Variants in BMP1 observed in about 807,000 individuals in gnomAD.
BMP1 encodes the protein mammalian tolloid protein.
A neutral mutation model predicts 116.8 loss-of-function variants in BMP1; 63 were observed. The ratio of observed to expected loss-of-function variants is 0.54; its 90% CI spans 0.44 to 0.67. The LOEUF is 0.67. Ranked by LOEUF, BMP1 falls within the 30% of genes least tolerant of loss-of-function variation. The pLI is 0.00. For synonymous variants in BMP1, 536 were observed against 533.4 expected, an observed-to-expected ratio of 1.00 and a Z score of -0.07; for missense variants, 1,183 against 1,358.9, an observed-to-expected ratio of 0.87 and a Z score of 2.04.
intron 3 of BMP1, 108 bp downstream of exon 3, chr8:22,176,421 A>G: frequency 6.5e-7 from 1 of 1,550,012 alleles, no homozygotes; most frequent in Non-Finnish European, 8.8e-7. Context: ...CCGAGTGCCC[A>G]CACATTCCTT....
chr8:22,179,595 A>C lies in BMP1; in HGVS notation c.837-110A>C. Reference sequence around the variant, plus strand: ...CACCCGGCCCTGACCCTGCTGAGGAATGTCTGAGCTCCAGCAGGGTCGTGA... The same window carrying C: ...CACCCGGCCCTGACCCTGCTGAGGACTGTCTGAGCTCCAGCAGGGTCGTGA... On this transcript the variant is annotated intron_variant, in intron 6 of 19. Coordinates refer to ENST00000306385, the MANE Select transcript of BMP1 (RefSeq NM_006129.5). This position sits in a 1 kb window ranked among gnomAD's most constrained non-coding sequence, Gnocchi z 4.6. 6.4e-7 allele frequency: 1 copy of C among 1,569,222 alleles called. No individual in the cohort carries two copies. The highest frequency in any genetic ancestry group is 8.7e-7 in the Non-Finnish European group (1 of 1,152,846).
intron 8 of BMP1, among the ~76,000 whole-genome samples, chr8:22,188,037 A>C (rs1828825399): frequency 6.6e-6 from 1 of 152,012 alleles, no homozygotes; most frequent in Non-Finnish European, 1.5e-5. Context: ...GAGGTGTCCT[A>C]TTACTTCTCC....
At chr8:22,203,489 G>A (rs1246895542) in intron 16 of BMP1, among the ~76,000 whole-genome samples, 1 of 152,050 alleles carries the variant, frequency 6.6e-6, no homozygotes, top group Non-Finnish European at 1.5e-5. Flanking sequence ...CCTGGAAGGC[G>A]GAGGTTGCAG....
chr8:22,197,321 A>G lies in BMP1; in HGVS notation c.2008A>G (p.Lys670Glu). 1 of 1,614,020 alleles carries G rather than the reference A, an allele frequency of 6.2e-7. No homozygotes were observed. Among genetic ancestry groups the G allele is most frequent in the Non-Finnish European group, 8.5e-7 (1 of 1,179,938 alleles). The change falls in exon 15 of 20, where the codon AAG (lysine) becomes GAG (glutamate). Residue 670 changes from lysine to glutamate, a missense_variant. Lys to Glu is a moderately conservative substitution (Grantham distance 56). Coordinates refer to ENST00000306385, the MANE Select transcript of BMP1 (RefSeq NM_006129.5). The part of the protein sequence containing the change: ...KLHGKFCGSE[K>E]PEVITSQYNN... ...GCATGGCAAGTTCTGTGGTTCTGAGAAGCCCGAGGTCATCACCTCCCAGTA... is the reference window on the plus strand; with the variant it reads ...GCATGGCAAGTTCTGTGGTTCTGAGGAGCCCGAGGTCATCACCTCCCAGTA...
intron 16 of BMP1, among the ~76,000 whole-genome samples, chr8:22,203,925 G>C (rs1829307817): frequency 1.3e-5 from 2 of 152,256 alleles, no homozygotes; most frequent in South Asian, 2.1e-4. Context: ...AGCCAGGACA[G>C]GGGTGAAGCT....
intron 1 of BMP1, among the ~76,000 whole-genome samples, chr8:22,166,425 C>T (rs1188650941): frequency 6.6e-6 from 1 of 152,218 alleles, no homozygotes; most frequent in Admixed American, 6.5e-5. Flanking sequence ...CCCATCACTC[C>T]TGCTGAGCCC....
In BMP1 at chr8:22,212,324, C is replaced by G. The variant is rs1829476820; in HGVS notation, c.*596C>G. 6.4e-6 allele frequency: 1 copy of G among 156,520 alleles called. No homozygotes were observed. The highest frequency in any genetic ancestry group is 1.9e-4 in the South Asian group (1 of 5,148). 9.7% of individuals were successfully genotyped at this position (156,520 alleles called of 1,614,324 possible). On this transcript the variant is annotated 3_prime_UTR_variant, in exon 20 of 20. Coordinates refer to ENST00000306385, the MANE Select transcript of BMP1 (RefSeq NM_006129.5). ...GCCAATAAACCGAAAGTGTTACAGC[C>G]AATATCCTGTGCCAGATGCTGTCTG... is the stretch of plus-strand genomic sequence containing the variant.
chr8:22,174,023 T>C (rs1301609959), intron 2 of BMP1, among the ~76,000 whole-genome samples: 4 of 152,224 alleles, frequency 2.6e-5, no homozygotes, highest in Non-Finnish European at 4.4e-5. Flanking sequence ...ACTCCTGTTT[T>C]ACAAGTACAG....
chr8:22,168,412 G>A (rs1315861926), intron 1 of BMP1, among the ~76,000 whole-genome samples: 1 of 152,194 alleles, frequency 6.6e-6, no homozygotes, highest in Non-Finnish European at 1.5e-5. Flanking sequence ...CTTGGAGGCA[G>A]GAATTGGGAC....
intron 8 of BMP1, among the ~76,000 whole-genome samples, chr8:22,191,794 A>G (rs1828938562): frequency 1.3e-5 from 2 of 152,196 alleles, no homozygotes; most frequent in South Asian, 4.1e-4. Flanking sequence ...TTGACTATGA[A>G]GAGAGCTGGA....
chr8:22,186,590 C>G (rs1828776897), intron 8 of BMP1, among the ~76,000 whole-genome samples: 1 of 152,118 alleles, frequency 6.6e-6, no homozygotes, highest in South Asian at 2.1e-4. Context: ...CCTCAGCCTC[C>G]CAAGTAGCTG....
Position 22,177,045 on chromosome 8 carries a change from C to T in BMP1, c.636C>T (p.Val212=), listed in dbSNP as rs753221583. ...GKNCDKFGIV[V]HELGHVVGFW... is the part of the protein sequence containing the mutation. ...ACTGTGACAAGTTCGGCATTGTGGT[C>T]CACGAGCTGGGCCACGTCGTCGGCT... The change falls in exon 5 of 20, where the codon GTC becomes GTT. Residue 212 remains valine (V), a synonymous_variant. Coordinates refer to ENST00000306385, the MANE Select transcript of BMP1 (RefSeq NM_006129.5). 4.3e-6 allele frequency: 7 copies of T among 1,612,960 alleles called. No homozygotes were observed. In the South Asian group the frequency reaches 6.6e-5, roughly 15 times the overall value.
chr8:22,178,900 G>A (rs549242958), intron 6 of BMP1, among the ~76,000 whole-genome samples: 3 of 152,068 alleles, frequency 2.0e-5, no homozygotes, highest in African/African-American at 4.8e-5. Context: ...GCTTCTACCC[G>A]ATCTGCTCTT....
Position 22,194,711 on chromosome 8 carries a change from C to A in BMP1, c.1444-13C>A. The A allele has an allele frequency of 2.5e-6, 4 of 1,595,990 alleles. No homozygotes were observed. The highest frequency in any genetic ancestry group is 2.6e-6 in the Non-Finnish European group (3 of 1,169,730). On this transcript the variant is annotated splice_polypyrimidine_tract_variant and intron_variant, in intron 11 of 19. Coordinates refer to ENST00000306385, the MANE Select transcript of BMP1 (RefSeq NM_006129.5). The surrounding 1 kb of genome is among the most constrained non-coding windows in gnomAD (Gnocchi z 4.5). ...GCCAGAGCCCCTTCCACTGATGAAG[C>A]CTCGACCCCTAGATTGAGCGCCACG...
chr8:22,178,787 CCCT>C, intron 6 of BMP1, among the ~76,000 whole-genome samples: 1 of 152,134 alleles, frequency 6.6e-6, no homozygotes, highest in South Asian at 2.1e-4. Flanking sequence ...AATGGCACCT[CCCT>C]CCTCCTCAAA....
At chr8:22,176,449 C>A (rs1209717129) in intron 3 of BMP1, 84 bp from the exon 4 acceptor site, 10 of 1,566,846 alleles carry the variant, frequency 6.4e-6, no homozygotes, top group Admixed American at 5.2e-5. Flanking sequence ...AGTCTGCCCT[C>A]AGAATGGCTG....
intron 5 of BMP1, chr8:22,177,524 G>A (rs562362551): frequency 1.9e-5 from 14 of 718,026 alleles, no homozygotes; most frequent in Middle Eastern, 2.4e-4. Flanking sequence ...TCATTTTCTC[G>A]ATGTCTCTGT....
At chr8:22,191,021 G>A (rs1828917414) in intron 8 of BMP1, among the ~76,000 whole-genome samples, 1 of 152,202 alleles carries the variant, frequency 6.6e-6, no homozygotes, top group Non-Finnish European at 1.5e-5. Context: ...CCCCGGAAGT[G>A]GAGGGAAGCC....
intron 5 of BMP1, chr8:22,177,494 G>A: frequency 1.4e-6 from 1 of 706,352 alleles, no homozygotes; most frequent in Non-Finnish European, 2.6e-6. Flanking sequence ...TGCCTGGTCT[G>A]CCCTCCGAGG....
Sources: gnomAD v4.1 joint callset for allele counts (sites outside exome capture counted in the v4.1 genomes callset) on GRCh38, gnomAD v4.1.1 for gene constraint, Gnocchi (gnomAD v3.1) non-coding constraint, MANE v1.5 for transcripts, NCBI Gene and HGNC (gene_info 2026-07-23, HGNC 2026-07-21) for gene names.